Variants in VMA22 observed in about 807,000 individuals in gnomAD.
VMA22 encodes the protein vacuolar ATPase assembly factor VMA22.
chr2:130,342,569 C>T, the VMA22 span: 2 of 463,924 alleles, frequency 4.3e-6, no homozygotes, highest in Non-Finnish European at 7.8e-6. Flanking sequence ...GAACTGTTTC[C>T]AGCCGCTAAT....
At chr2:130,338,903 C>T in the VMA22 span, 1 of 551,744 alleles carries the variant, frequency 1.8e-6, no homozygotes, top group Middle Eastern at 5.0e-4. Context: ...GGAACTCAGG[C>T]CTTAGAATGG....
chr2:130,339,674 G>A, the VMA22 span: 239,369 of 1,303,910 alleles, frequency 0.18, 24,191 homozygotes, highest in Non-Finnish European at 0.21. Flanking sequence ...GGCAGCTCTC[G>A]TCTTCGGCCT....
At chr2:130,338,605 G>A in the VMA22 span, 9 of 152,606 alleles carry the variant, frequency 5.9e-5, no homozygotes, top group African/African-American at 1.9e-4. Context: ...ATCTAGGCCA[G>A]ATCATTTTTA....
At chr2:130,342,134 C>T in the VMA22 span, 2 of 1,613,486 alleles carry the variant, frequency 1.2e-6, no homozygotes, top group Non-Finnish European at 1.7e-6. Flanking sequence ...ATGGACACAC[C>T]TCCAGATCTG....
At chr2:130,342,272 C>T in the VMA22 span, 2 of 1,495,402 alleles carry the variant, frequency 1.3e-6, no homozygotes, top group African/African-American at 2.8e-5. Flanking sequence ...TCTGGGTCAG[C>T]TTCTTTAAGG....
chr2:130,338,757 T>G, the VMA22 span: 1 of 213,316 alleles, frequency 4.7e-6, no homozygotes, highest in East Asian at 1.4e-4. Context: ...GTACTAAGCA[T>G]GAAGCGCTAC....
At chr2:130,341,477 T>G in the VMA22 span, 2 of 594,074 alleles carry the variant, frequency 3.4e-6, no homozygotes, top group Non-Finnish European at 6.1e-6. Flanking sequence ...ATTCCCAGTG[T>G]AAAGCAACTC....
the VMA22 span, chr2:130,342,375 A>G: frequency 3.1e-6 from 2 of 653,488 alleles, no homozygotes; most frequent in Non-Finnish European, 2.6e-6. Flanking sequence ...ACTGTCGGCT[A>G]GGGTTATAGG....
At chr2:130,341,996 GCC>G in the VMA22 span, 1 of 1,613,104 alleles carries the variant, frequency 6.2e-7, no homozygotes, top group Non-Finnish European at 8.5e-7. Context: ...GTACCCTCCT[GCC>G]CGCCCCAGGC....
the VMA22 span, chr2:130,338,275 AT>A: frequency 6.6e-6 from 1 of 152,378 alleles, no homozygotes; most frequent in African/African-American, 2.4e-5. Context: ...TACTGTAGTT[AT>A]TCATTAAGCT....
At chr2:130,338,537 G>GT in the VMA22 span, 1 of 152,222 alleles carries the variant, frequency 6.6e-6, no homozygotes, top group Non-Finnish European at 1.5e-5. Flanking sequence ...GCCTCTTATG[G>GT]TAAGACAAAG....
chr2:130,341,001 G>C, the VMA22 span: 10 of 1,612,790 alleles, frequency 6.2e-6, 1 homozygote, highest in South Asian at 1.1e-4. Context: ...GAGGACTCCG[G>C]TTCTGGGGTC....
At chr2:130,341,801 G>GTCC in the VMA22 span, 1 of 1,378,140 alleles carries the variant, frequency 7.3e-7, no homozygotes, top group Non-Finnish European at 9.9e-7. Flanking sequence ...CCTAGAACGC[G>GTCC]CCCGCCCGCC....
chr2:130,339,201 G>A, the VMA22 span: 2 of 1,614,194 alleles, frequency 1.2e-6, no homozygotes, highest in Non-Finnish European at 1.7e-6. Flanking sequence ...TGCGGTTCTG[G>A]AGGCTGGCTA....
At chr2:130,341,588 C>T in the VMA22 span, 1 of 1,255,618 alleles carries the variant, frequency 8.0e-7, no homozygotes, top group African/African-American at 1.5e-5. Context: ...TCGCAAAAAC[C>T]TAATTTAAAT....
the VMA22 span, chr2:130,340,876 G>A: frequency 4.3e-6 from 7 of 1,613,482 alleles, no homozygotes; most frequent in Non-Finnish European, 5.1e-6. Context: ...AGGGTCTGAG[G>A]GCCACAGAGC....
At chr2:130,339,507 C>A in the VMA22 span, 1 of 1,329,350 alleles carries the variant, frequency 7.5e-7, no homozygotes. Flanking sequence ...AATACCATTT[C>A]ATGCCCTCAT....
the VMA22 span, chr2:130,339,645 G>A: frequency 7.7e-7 from 1 of 1,305,148 alleles, no homozygotes; most frequent in Non-Finnish European, 1.0e-6. Context: ...TGCTGGAACA[G>A]CTGCTGCCCA....
At chr2:130,341,908 C>A in the VMA22 span, 1 of 1,613,620 alleles carries the variant, frequency 6.2e-7, no homozygotes. Context: ...GACTTGGCGC[C>A]CATCGCGTAG....
Sources: gnomAD v4.1 joint callset for allele counts on GRCh38, gnomAD v4.1.1 for gene constraint, MANE v1.5 for transcripts, NCBI Gene and HGNC (gene_info 2026-07-23, HGNC 2026-07-21) for gene names.